The following SOS1 variants were observed in gnomAD, a reference collection of about 807,000 sequenced individuals.
SOS1 encodes the protein SOS Ras/Rac guanine nucleotide exchange factor 1.
In SOS1, 25 loss-of-function variants were observed where a neutral mutation model predicts 157.6. That is an observed-to-expected ratio of 0.16 (90% confidence interval 0.12 to 0.22). SOS1 has a LOEUF of 0.22. SOS1 is among the 10% of genes least tolerant of loss of function. SOS1 has a pLI of 1.00. For missense variants in SOS1, 1,237 were observed against 1,599.1 expected (o/e 0.77, Z 3.86); for synonymous variants, 528 against 534.0 (o/e 0.99, Z 0.16).
At chr2:39,054,447 T>A (rs977909504) in intron 5 of SOS1, among the ~76,000 whole-genome samples, 167 bp downstream of exon 5, 1 of 152,222 alleles carries the variant, frequency 6.6e-6, no homozygotes, top group Non-Finnish European at 1.5e-5. Flanking sequence ...TAATTTCTAA[T>A]GTTAAATCTC....
chr2:39,114,225 A>G (rs1673555951), intron 1 of SOS1, among the ~76,000 whole-genome samples: 1 of 152,044 alleles, frequency 6.6e-6, no homozygotes. Flanking sequence ...CCTCCTGAGT[A>G]GCCAGGACCA....
chr2:39,015,995 T>G (rs188086693), intron 10 of SOS1, among the ~76,000 whole-genome samples: 2 of 152,014 alleles, frequency 1.3e-5, no homozygotes, highest in East Asian at 3.9e-4. Flanking sequence ...ACAATGTCTT[T>G]TATTAGCATA....
intron 2 of SOS1, among the ~76,000 whole-genome samples, chr2:39,063,496 GC>G (rs1199857295): frequency 6.6e-6 from 1 of 152,134 alleles, no homozygotes; most frequent in Non-Finnish European, 1.5e-5. Flanking sequence ...CTGCAACACT[GC>G]CTGATGGTAA....
chr2:39,097,195 A>AT (rs1672801011), intron 1 of SOS1, among the ~76,000 whole-genome samples: 1 of 152,240 alleles, frequency 6.6e-6, no homozygotes, highest in South Asian at 2.1e-4. Flanking sequence ...AAATCCAACA[A>AT]TTTAGGCACC....
At chr2:39,039,871 C>A (rs1017445193) in intron 6 of SOS1, among the ~76,000 whole-genome samples, 1 of 152,140 alleles carries the variant, frequency 6.6e-6, no homozygotes, top group African/African-American at 2.4e-5. Context: ...CTTTTTGTCT[C>A]CATGGATTTG....
At chr2:39,059,584 T>A (rs1671331895) in intron 2 of SOS1, among the ~76,000 whole-genome samples, 1 of 152,168 alleles carries the variant, frequency 6.6e-6, no homozygotes, top group Non-Finnish European at 1.5e-5. Flanking sequence ...ACACATGTGT[T>A]TTGAATAAAT....
intron 16 of SOS1, 84 bp downstream of exon 16, chr2:39,006,947 A>C (rs1669299424): frequency 2.2e-6 from 2 of 918,506 alleles, no homozygotes; most frequent in Non-Finnish European, 3.5e-6. Flanking sequence ...GAGACATTTA[A>C]AAATTAAAGA....
chr2:39,109,842 T>C (rs745769128), intron 1 of SOS1, among the ~76,000 whole-genome samples: 10 of 152,186 alleles, frequency 6.6e-5, no homozygotes, highest in Non-Finnish European at 1.2e-4. Flanking sequence ...CCATGGTTCA[T>C]TAACACAGCA....
intron 1 of SOS1, among the ~76,000 whole-genome samples, chr2:39,083,226 T>C (rs1672268194): frequency 6.6e-6 from 1 of 151,910 alleles, no homozygotes; most frequent in East Asian, 1.9e-4. Context: ...GTAATAGAAA[T>C]AGTACAAGTA....
intron 2 of SOS1, among the ~76,000 whole-genome samples, chr2:39,064,104 G>A (rs997047777): frequency 2.0e-5 from 3 of 152,120 alleles, no homozygotes; most frequent in Non-Finnish European, 2.9e-5. Context: ...AAAGTGCTGA[G>A]ATTACATGTG....
chr2:39,058,023 G>GT lies in SOS1; in HGVS notation c.345+649dup, dbSNP rs1337242637. ...AATAAAACTCAGACAATGTATACAA[G>GT]TATTAGCATTTTGTCTGTATTATAG... On this transcript the variant is annotated intron_variant, in intron 3 of 22. Transcript: ENST00000402219. Among the ~76,000 whole-genome samples the GT allele has an allele frequency of 3.3e-5, 5 of 151,974 alleles. No homozygotes were observed. The South Asian group carries it at 6.2e-4, about 19-fold the overall frequency.
chr2:39,037,226 AAAC>A (rs1670387827), intron 6 of SOS1, among the ~76,000 whole-genome samples: 3 of 152,364 alleles, frequency 2.0e-5, no homozygotes, highest in Admixed American at 6.5e-5. Flanking sequence ...AAAGTTTCAA[AAAC>A]AACAAGAGGA....
chr2:38,995,805 C>T (rs1037756952), intron 19 of SOS1, among the ~76,000 whole-genome samples: 3 of 152,106 alleles, frequency 2.0e-5, no homozygotes, highest in South Asian at 2.1e-4. Context: ...GCCATCAGGA[C>T]CATTTGAGAT....
intron 8 of SOS1, 145 bp from the exon 9 acceptor site, chr2:39,024,282 T>C: frequency 4.1e-6 from 3 of 730,720 alleles, no homozygotes; most frequent in Non-Finnish European, 6.8e-6. Flanking sequence ...TTTAAAAGTG[T>C]TTTTCTTGTG....
At chr2:39,107,990 T>C (rs1320660708) in intron 1 of SOS1, among the ~76,000 whole-genome samples, 1 of 152,124 alleles carries the variant, frequency 6.6e-6, no homozygotes. Flanking sequence ...CACAATTCTC[T>C]CACAGCCCTC....
intron 10 of SOS1, among the ~76,000 whole-genome samples, chr2:39,020,377 G>A (rs1477848365): frequency 6.6e-6 from 1 of 151,568 alleles, no homozygotes; most frequent in East Asian, 1.9e-4. Context: ...TCTGTAAGTC[G>A]TGTCTTATAG....
chr2:39,092,603 A>C (rs2148190417), intron 1 of SOS1, among the ~76,000 whole-genome samples: 1 of 152,330 alleles, frequency 6.6e-6, no homozygotes, highest in South Asian at 2.1e-4. Context: ...AGAATGTAAG[A>C]GACTTTGTCT....
At chr2:39,110,431 G>A (rs371452119) in intron 1 of SOS1, among the ~76,000 whole-genome samples, 3 of 100,106 alleles carry the variant, frequency 3.0e-5, no homozygotes, top group African/African-American at 9.0e-5. Flanking sequence ...ACATACACAC[G>A]AATCATGTAA....
rs985698950 is a variant in SOS1, at chr2:39,044,524, T to C, written c.864+6620A>G. Among the ~76,000 whole-genome samples, 10 of 152,348 alleles carry C rather than the reference T, an allele frequency of 6.6e-5. No homozygotes were observed. The South Asian group carries it at 2.1e-3, about 32-fold the overall frequency. Reference sequence around the variant, plus strand: ...ATGTGTAAAACTGTAAACTTCTCTCTGCAAAATTTATAGTTGAAACTTAAT... The same window carrying C: ...ATGTGTAAAACTGTAAACTTCTCTCCGCAAAATTTATAGTTGAAACTTAAT... On this transcript the variant is annotated intron_variant, in intron 6 of 22. Transcript: ENST00000402219.
Sources: gnomAD v4.1 joint callset for allele counts (sites outside exome capture counted in the v4.1 genomes callset) on GRCh38, gnomAD v4.1.1 for gene constraint, MANE v1.5 for transcripts, NCBI Gene and HGNC (gene_info 2026-07-23, HGNC 2026-07-21) for gene names.